Variants in TMEM132D observed in about 807,000 individuals in gnomAD.
TMEM132D encodes the protein mature OL transmembrane protein.
In TMEM132D, 21 loss-of-function variants were observed where a neutral mutation model predicts 62.3. The observed-to-expected ratio is 0.34, with a 90% CI of 0.24 to 0.49. The LOEUF (loss-of-function observed/expected upper bound fraction) is 0.49. Ranked by LOEUF, TMEM132D falls within the 20% of genes least tolerant of loss-of-function variation. TMEM132D has a pLI of 0.99. For missense variants in TMEM132D, 1,346 were observed against 1,402.8 expected (o/e 0.96, Z 0.65); for synonymous variants, 621 against 575.6 (o/e 1.08, Z -1.13).
At chr12:129,399,761 A>G (rs1871559897) in intron 3 of TMEM132D, among the ~76,000 whole-genome samples, 1 of 152,206 alleles carries the variant, frequency 6.6e-6, no homozygotes, top group African/African-American at 2.4e-5. Flanking sequence ...GAAAATAGAA[A>G]GCAAAGAGAG....
chr12:129,293,058 T>G (rs78995496), intron 4 of TMEM132D, among the ~76,000 whole-genome samples: 1 of 152,076 alleles, frequency 6.6e-6, no homozygotes, highest in Non-Finnish European at 1.5e-5. Flanking sequence ...CCCAGGGATG[T>G]GGAGGGTATC....
chr12:129,452,006 A>C (rs2135727134), intron 3 of TMEM132D, among the ~76,000 whole-genome samples: 1 of 152,338 alleles, frequency 6.6e-6, no homozygotes, highest in South Asian at 2.1e-4. Flanking sequence ...CCCAGGATAC[A>C]CAGGACATCT....
chr12:129,560,595 AC>A (rs1010910292), intron 2 of TMEM132D, among the ~76,000 whole-genome samples: 2 of 152,176 alleles, frequency 1.3e-5, no homozygotes, highest in Non-Finnish European at 1.5e-5. Flanking sequence ...CTAGAGATAT[AC>A]AAGAAGACAA....
intron 1 of TMEM132D, among the ~76,000 whole-genome samples, chr12:129,849,500 A>G (rs1371291774): frequency 2.6e-5 from 4 of 152,164 alleles, no homozygotes; most frequent in Non-Finnish European, 5.9e-5. Context: ...ATTTGAATCT[A>G]CTCGAGTTAT....
rs754370941 is a variant in TMEM132D, at chr12:129,337,767, T to C, written c.1166A>G (p.Glu389Gly). Reference protein sequence around the residue: ...EVMQIDVEVEEPGDLPATQLV... With the variant: ...EVMQIDVEVEGPGDLPATQLV... ...CTGTGTGGCTGGCAGGTCACCAGGCTCTTCCACCTCCACATCGATCTGCAT... is the reference window on the plus strand; with the variant it reads ...CTGTGTGGCTGGCAGGTCACCAGGCCCTTCCACCTCCACATCGATCTGCAT... Residue 389 changes from glutamate to glycine, a missense_variant, in exon 4 of 9, where the codon GAG becomes GGG. Physicochemically the swap from Glu to Gly is moderately conservative, Grantham distance 98 (BLOSUM62 -2). Transcript: ENST00000422113. The C allele has an allele frequency of 6.2e-7, 1 of 1,614,024 alleles. No homozygotes were observed. Among genetic ancestry groups the C allele is most frequent in the South Asian group, 1.1e-5 (1 of 91,050 alleles).
At chr12:129,397,524 G>T (rs911744517) in intron 3 of TMEM132D, among the ~76,000 whole-genome samples, 3 of 152,080 alleles carry the variant, frequency 2.0e-5, no homozygotes, top group African/African-American at 7.2e-5. Flanking sequence ...TCTCTTTTGG[G>T]TCCAGATGAT....
At chr12:129,716,883 G>A (rs1409295218) in intron 1 of TMEM132D, among the ~76,000 whole-genome samples, 43 of 152,196 alleles carry the variant, frequency 2.8e-4, no homozygotes, top group Admixed American at 2.7e-3. Context: ...AACTATAAAC[G>A]AACAGTGGCA....
intron 4 of TMEM132D, among the ~76,000 whole-genome samples, chr12:129,327,372 AC>A (rs1422597615): frequency 6.6e-6 from 1 of 152,066 alleles, no homozygotes; most frequent in East Asian, 1.9e-4. Flanking sequence ...CCCCAGCCAA[AC>A]TTTTAGATAC....
intron 4 of TMEM132D, among the ~76,000 whole-genome samples, chr12:129,317,190 T>C (rs548542847): frequency 1.3e-5 from 2 of 152,228 alleles, no homozygotes; most frequent in South Asian, 4.1e-4. Context: ...TGTACTTTGG[T>C]TTTTTGTTGT....
chr12:129,862,298 G>A lies in TMEM132D; in HGVS notation c.79+40963C>T, dbSNP rs577212244. Among the ~76,000 whole-genome samples, 8 of 152,340 alleles carry A rather than the reference G, an allele frequency of 5.3e-5. 1 individual carries two copies. In the Middle Eastern group the frequency reaches 0.017, roughly 324 times the overall value. On this transcript the variant is annotated intron_variant, in intron 1 of 8. Coordinates refer to ENST00000422113, the MANE Select transcript of TMEM132D (RefSeq NM_133448.3). Reference sequence around the variant, plus strand: ...ACTCTAAATTTCAAGCCTCAAATCAGGTGGAAACCTCAAACTTCGGGAAAT... The same window carrying A: ...ACTCTAAATTTCAAGCCTCAAATCAAGTGGAAACCTCAAACTTCGGGAAAT...
intron 2 of TMEM132D, among the ~76,000 whole-genome samples, chr12:129,691,731 A>G (rs1161322631): frequency 6.6e-6 from 1 of 152,106 alleles, no homozygotes; most frequent in Non-Finnish European, 1.5e-5. Flanking sequence ...CCATACATAC[A>G]ACTATAATCT....
chr12:129,597,206 CACAGAGGGCTGACTGTAT>C (rs928335732), intron 2 of TMEM132D, among the ~76,000 whole-genome samples: 1 of 152,114 alleles, frequency 6.6e-6, no homozygotes, highest in Non-Finnish European at 1.5e-5. Context: ...AACCCACAGA[CACAGAGGGCTGACTGTAT>C]ACAATCAAGA....
At chr12:129,427,306 C>T (rs75557816) in intron 3 of TMEM132D, among the ~76,000 whole-genome samples, 349 of 151,292 alleles carry the variant, frequency 2.3e-3, no homozygotes, top group Non-Finnish European at 3.5e-3. Context: ...ATGCTAAGGA[C>T]GCATCAAGAA....
intron 7 of TMEM132D, among the ~76,000 whole-genome samples, chr12:129,080,470 A>G (rs1187999443): frequency 6.6e-6 from 1 of 152,166 alleles, no homozygotes; most frequent in African/African-American, 2.4e-5. Context: ...TACGGCCCAA[A>G]CCCATTTATT....
At chr12:129,817,508 C>G (rs1235270427) in intron 1 of TMEM132D, among the ~76,000 whole-genome samples, 1 of 152,208 alleles carries the variant, frequency 6.6e-6, no homozygotes, top group East Asian at 1.9e-4. Context: ...TCAGGTCTCA[C>G]TCCTTCCATT....
At chr12:129,178,833 T>C (rs545623019) in intron 5 of TMEM132D, among the ~76,000 whole-genome samples, 28 of 152,308 alleles carry the variant, frequency 1.8e-4, no homozygotes, top group Admixed American at 6.5e-5. Context: ...ATGTCTGCAC[T>C]CCTTGAACCT....
At chr12:129,503,861 TTCCTCC>T (rs952415939) in intron 3 of TMEM132D, among the ~76,000 whole-genome samples, 1 of 152,116 alleles carries the variant, frequency 6.6e-6, no homozygotes, top group Non-Finnish European at 1.5e-5. Context: ...CTTCCAGATT[TTCCTCC>T]TCCTCCTCAT....
intron 1 of TMEM132D, among the ~76,000 whole-genome samples, chr12:129,872,293 C>T (rs952999634): frequency 6.6e-6 from 1 of 152,110 alleles, no homozygotes; most frequent in African/African-American, 2.4e-5. Context: ...CCTTGGGAGG[C>T]ACAGAACTCC....
chr12:129,117,719 T>C (rs1222777846), intron 5 of TMEM132D, among the ~76,000 whole-genome samples: 1 of 152,190 alleles, frequency 6.6e-6, no homozygotes, highest in African/African-American at 2.4e-5. Context: ...CAGACTCTAT[T>C]GCAGTGGAAG....
Sources: gnomAD v4.1 joint callset for allele counts (sites outside exome capture counted in the v4.1 genomes callset) on GRCh38, gnomAD v4.1.1 for gene constraint, MANE v1.5 for transcripts, NCBI Gene and HGNC (gene_info 2026-07-23, HGNC 2026-07-21) for gene names.